Variants in ZBTB20 observed in about 807,000 individuals in gnomAD.
The protein encoded by ZBTB20 is zinc finger and BTB domain containing 20.
ZBTB20 carries 9 observed loss-of-function variants against 56.9 expected under a neutral mutation model. That is an observed-to-expected ratio of 0.16 (90% CI 0.10 to 0.28). The LOEUF (loss-of-function observed/expected upper bound fraction) is 0.28, where lower values mean the gene tolerates loss of function less well. Among genes scored for constraint, ZBTB20 ranks in the 10% least tolerant of loss-of-function variants. The pLI is 1.00. For missense variants in ZBTB20, 655 were observed against 1,003.0 expected (o/e 0.65, Z 4.69); for synonymous variants, 417 against 420.7 (o/e 0.99, Z 0.11).
At chr3:114,694,600 G>A (rs1169486926) in intron 5 of ZBTB20, among the ~76,000 whole-genome samples, 1 of 151,876 alleles carries the variant, frequency 6.6e-6, no homozygotes, top group Non-Finnish European at 1.5e-5. Context: ...AACAAAAGAA[G>A]TCCAAAAACA....
chr3:114,683,016 T>C (rs2062078963), intron 6 of ZBTB20, among the ~76,000 whole-genome samples: 2 of 152,218 alleles, frequency 1.3e-5, no homozygotes, highest in Non-Finnish European at 2.9e-5. Context: ...AAATGTTTGA[T>C]AAACTTTTCT....
At chr3:114,984,571 A>C (rs2078457390) in intron 2 of ZBTB20, among the ~76,000 whole-genome samples, 1 of 151,846 alleles carries the variant, frequency 6.6e-6, no homozygotes, top group African/African-American at 2.4e-5. Context: ...CCTAATTCCC[A>C]ATTTCTCCCA....
chr3:114,969,071 T>G (rs2077765371), intron 3 of ZBTB20, among the ~76,000 whole-genome samples: 1 of 152,204 alleles, frequency 6.6e-6, no homozygotes, highest in Admixed American at 6.5e-5. Flanking sequence ...TATTAATATA[T>G]CTATGTCTCT....
At chr3:114,616,642 T>C (rs1324408529) in intron 6 of ZBTB20, among the ~76,000 whole-genome samples, 3 of 152,200 alleles carry the variant, frequency 2.0e-5, no homozygotes, top group Non-Finnish European at 4.4e-5. Flanking sequence ...TCCTGAGAAA[T>C]GTCCACTCCA....
chr3:115,147,032 A>C (rs1275501082), intron 1 of ZBTB20, among the ~76,000 whole-genome samples, 187 bp downstream of exon 1: 1 of 148,606 alleles, frequency 6.7e-6, no homozygotes, highest in African/African-American at 2.5e-5. Flanking sequence ...GCGCGCGCTC[A>C]TCCAGCTCAG....
chr3:114,658,601 C>G (rs913195372), intron 6 of ZBTB20: 2 of 152,102 alleles, frequency 1.3e-5, no homozygotes, highest in Non-Finnish European at 2.9e-5. Context: ...AACTTTCTTC[C>G]TCTATCATGT....
At chr3:114,597,263 C>T (rs2056396832) in intron 6 of ZBTB20, among the ~76,000 whole-genome samples, 1 of 152,160 alleles carries the variant, frequency 6.6e-6, no homozygotes, top group African/African-American at 2.4e-5. Flanking sequence ...CTTCCTTCAC[C>T]TCTCTTTTCC....
chr3:114,772,536 T>C (rs2069291638), intron 5 of ZBTB20, among the ~76,000 whole-genome samples: 1 of 151,938 alleles, frequency 6.6e-6, no homozygotes, highest in Admixed American at 6.6e-5. Flanking sequence ...ATGGTCAACT[T>C]GGTTTTCCCT....
intron 7 of ZBTB20, among the ~76,000 whole-genome samples, chr3:114,408,294 GT>G (rs757531595): frequency 5.1e-4 from 77 of 152,184 alleles, no homozygotes; most frequent in Non-Finnish European, 9.7e-4. Context: ...AGCAGCCAAG[GT>G]TACTGCAGAC....
At chr3:114,596,872 C>A (rs943203627) in intron 6 of ZBTB20, among the ~76,000 whole-genome samples, 2 of 152,156 alleles carry the variant, frequency 1.3e-5, no homozygotes, top group African/African-American at 4.8e-5. Flanking sequence ...ATCAAGCCTT[C>A]TGAATGCATT....
intron 3 of ZBTB20, among the ~76,000 whole-genome samples, chr3:114,940,827 G>T (rs1177855197): frequency 6.9e-6 from 1 of 145,802 alleles, no homozygotes; most frequent in East Asian, 1.9e-4. Flanking sequence ...GGAGCCTATT[G>T]CTCCTCTACT....
intron 6 of ZBTB20, among the ~76,000 whole-genome samples, chr3:114,531,544 C>T (rs1469264597): frequency 1.3e-5 from 2 of 152,128 alleles, no homozygotes; most frequent in Non-Finnish European, 2.9e-5. Flanking sequence ...GGAGAGCTGT[C>T]CTGAGAGGGA....
intron 11 of ZBTB20, among the ~76,000 whole-genome samples, chr3:114,342,155 G>A (rs369887376): frequency 4.9e-4 from 75 of 152,250 alleles, no homozygotes; most frequent in African/African-American, 1.8e-3. Flanking sequence ...TTTCATTTCT[G>A]TATGAATTTG....
At chr3:115,107,263 T>TA (rs1222859320) in intron 1 of ZBTB20, among the ~76,000 whole-genome samples, 5 of 151,794 alleles carry the variant, frequency 3.3e-5, no homozygotes, top group South Asian at 2.1e-4. Flanking sequence ...CGCATGTCTA[T>TA]AAAAAAATCA....
chr3:114,862,237 G>T (rs887560834), intron 4 of ZBTB20, among the ~76,000 whole-genome samples: 13 of 152,132 alleles, frequency 8.5e-5, no homozygotes, highest in African/African-American at 3.1e-4. Context: ...TTGTGAATTA[G>T]AATATTATCA....
At chr3:114,992,143 A>ACTGTATGAT (rs2108159273) in intron 2 of ZBTB20, among the ~76,000 whole-genome samples, 1 of 151,928 alleles carries the variant, frequency 6.6e-6, no homozygotes, top group Admixed American at 6.6e-5. Context: ...ATAAATACTC[A>ACTGTATGAT]CTGTATGATG....
At chr3:114,797,256 G>A (rs2071394242) in intron 5 of ZBTB20, among the ~76,000 whole-genome samples, 1 of 151,544 alleles carries the variant, frequency 6.6e-6, no homozygotes, top group Non-Finnish European at 1.5e-5. Context: ...TAGTATATGT[G>A]ATCTTTTAAA....
intron 6 of ZBTB20, among the ~76,000 whole-genome samples, chr3:114,590,365 C>A (rs549657253): frequency 6.6e-6 from 1 of 151,954 alleles, no homozygotes. Context: ...GCAAGTGAAT[C>A]GCTTGAACTT....
At chr3:114,799,177 A>T (rs2071540609) in intron 5 of ZBTB20, among the ~76,000 whole-genome samples, 1 of 151,904 alleles carries the variant, frequency 6.6e-6, no homozygotes, top group Non-Finnish European at 1.5e-5. Context: ...CCCTGAAACA[A>T]AATCTATAAT....
Sources: allele counts gnomAD v4.1 joint callset (sites outside exome capture counted in the v4.1 genomes callset), GRCh38; gene constraint gnomAD v4.1.1; transcripts MANE v1.5; gene names NCBI Gene and HGNC (gene_info 2026-07-23, HGNC 2026-07-21).